Variants in DHRSX observed in about 807,000 individuals in gnomAD.
DHRSX encodes polyprenol dehydrogenase.
A neutral mutation model predicts 34.0 loss-of-function variants in DHRSX; 31 were observed. The ratio of observed to expected loss-of-function variants is 0.91; its 90% CI spans 0.69 to 1.23. The LOEUF (loss-of-function observed/expected upper bound fraction) is 1.23. DHRSX is among the 50% of genes most tolerant of loss of function. DHRSX has a pLI of 0.00. For missense variants in DHRSX, 414 were observed against 428.1 expected, an observed-to-expected ratio of 0.97 and a Z score of 0.29; for synonymous variants, 201 against 183.8, an observed-to-expected ratio of 1.09 and a Z score of -0.76.
chrX:2,495,532 G>A (rs754531361), intron 1 of DHRSX, among the ~76,000 whole-genome samples: 36 of 152,144 alleles, frequency 2.4e-4, no homozygotes, highest in Middle Eastern at 3.4e-3. Context: ...TCCCTCCCAC[G>A]TCTCCTGCTG....
rs898570050 is a variant in DHRSX at position 2,468,214 on chromosome X, C to T, written c.109+32603G>A. On this transcript the variant is annotated intron_variant, in intron 1 of 6. Transcript: ENST00000334651. ...TGGGTGGGCTGGGGAGCTGCAGTTCCAGAAAGCAAAGGAAGCCTGTGATGT... is the reference window on the plus strand; with the variant it reads ...TGGGTGGGCTGGGGAGCTGCAGTTCTAGAAAGCAAAGGAAGCCTGTGATGT... Among the ~76,000 whole-genome samples the T allele has an allele frequency of 4.6e-5, 7 of 152,100 alleles. No individual in the cohort carries two copies. The South Asian group carries it at 8.3e-4, about 18-fold the overall frequency.
chrX:2,410,202 C>G (rs1427982193), intron 2 of DHRSX, among the ~76,000 whole-genome samples: 1 of 152,162 alleles, frequency 6.6e-6, no homozygotes, highest in Non-Finnish European at 1.5e-5. Context: ...CCTCCTTCAG[C>G]CTCATCCTTC....
intron 2 of DHRSX, among the ~76,000 whole-genome samples, chrX:2,415,321 C>T (rs938763697): frequency 2.0e-5 from 3 of 151,846 alleles, no homozygotes; most frequent in African/African-American, 7.3e-5. Flanking sequence ...TCATCATAAC[C>T]TAACTGGATC....
At chrX:2,483,504 A>G (rs1200131914) in intron 1 of DHRSX, among the ~76,000 whole-genome samples, 3 of 152,080 alleles carry the variant, frequency 2.0e-5, no homozygotes, top group East Asian at 1.9e-4. Flanking sequence ...CCTGGGCTCA[A>G]GCGATCCGCC....
chrX:2,303,284 T>C (rs2042035014), intron 3 of DHRSX, among the ~76,000 whole-genome samples: 2 of 152,146 alleles, frequency 1.3e-5, no homozygotes, highest in African/African-American at 4.8e-5. Context: ...CCAAATCTCA[T>C]GTTGAATTGT....
intron 3 of DHRSX, among the ~76,000 whole-genome samples, chrX:2,388,626 T>C (rs1028096732): frequency 8.9e-4 from 133 of 149,272 alleles, no homozygotes; most frequent in African/African-American, 3.1e-3. Context: ...TATTCTGTGA[T>C]AGCAGCCTGA....
At chrX:2,223,593 G>A (rs2015570099) in intron 6 of DHRSX, among the ~76,000 whole-genome samples, 1 of 152,170 alleles carries the variant, frequency 6.6e-6, no homozygotes, top group Admixed American at 6.6e-5. Context: ...GGGATGGAAA[G>A]AGGAAGGGAG....
chrX:2,276,857 C>CAA (rs1210872015), intron 4 of DHRSX, among the ~76,000 whole-genome samples: 3 of 68,686 alleles, frequency 4.4e-5, no homozygotes, highest in Non-Finnish European at 6.0e-5. Context: ...GGAGGGCAAA[C>CAA]GAGAGGGAGA....
chrX:2,328,444 G>GAT (rs1436044322), intron 3 of DHRSX, among the ~76,000 whole-genome samples: 1 of 151,794 alleles, frequency 6.6e-6, no homozygotes, highest in African/African-American at 2.4e-5. Flanking sequence ...CCCATACCTG[G>GAT]ATCTCAGACT....
At chrX:2,335,403 G>T (rs952799383) in intron 3 of DHRSX, among the ~76,000 whole-genome samples, 12 of 151,878 alleles carry the variant, frequency 7.9e-5, no homozygotes, top group South Asian at 2.1e-4. Context: ...GGGCTTCCAG[G>T]TCATAGGTGG....
intron 5 of DHRSX, among the ~76,000 whole-genome samples, chrX:2,251,610 T>C (rs999265952): frequency 6.6e-6 from 1 of 152,182 alleles, no homozygotes; most frequent in South Asian, 2.1e-4. Context: ...GTCCCCTTTG[T>C]TCGCTGTACT....
At position 2,489,334 on chromosome X, in the gene DHRSX, C is replaced by T. The variant is rs183481921; in HGVS notation, c.109+11483G>A. On this transcript the variant is annotated intron_variant, in intron 1 of 6. Coordinates refer to ENST00000334651, the MANE Select transcript of DHRSX (RefSeq NM_145177.3). Reference sequence around the variant, plus strand: ...CGTTGAGAAACATGTCGATCTCGGGCGTCTCCTGGTAGGTCTTGGAAAGCT... The same window carrying T: ...CGTTGAGAAACATGTCGATCTCGGGTGTCTCCTGGTAGGTCTTGGAAAGCT... The T allele has an allele frequency of 5.8e-5, 94 of 1,613,500 alleles. 1 individual carries two copies. In the East Asian group the frequency reaches 1.6e-3, roughly 27 times the overall value.
chrX:2,480,217 A>T (rs1299161010), intron 1 of DHRSX, among the ~76,000 whole-genome samples: 3 of 151,798 alleles, frequency 2.0e-5, no homozygotes, highest in African/African-American at 7.3e-5. Flanking sequence ...TTGCAGCAAC[A>T]TGGATGGGAC....
rs758020186 is a variant in DHRSX, at chrX:2,367,298, C to T, written c.286+41447G>A. ...ACTAAAAATACAAAAATTAGCCACG[C>T]GTGGTGGTAGGTGCCTGTAATCCCA... On this transcript the variant is annotated intron_variant, in intron 3 of 6. Coordinates refer to ENST00000334651, the MANE Select transcript of DHRSX (RefSeq NM_145177.3). Among the ~76,000 whole-genome samples the T allele has an allele frequency of 9.9e-5, 15 of 151,832 alleles. No individual in the cohort carries two copies. The South Asian group carries it at 3.1e-3, about 32-fold the overall frequency.
intron 3 of DHRSX, among the ~76,000 whole-genome samples, chrX:2,373,446 G>A (rs2043103326): frequency 1.3e-5 from 2 of 152,104 alleles, no homozygotes; most frequent in African/African-American, 4.8e-5. Context: ...TAAAACACCT[G>A]CTCCATTTCC....
intron 3 of DHRSX, among the ~76,000 whole-genome samples, chrX:2,374,533 G>GAC (rs1202754544): frequency 0.12 from 13,799 of 118,048 alleles, 1,881 homozygotes; most frequent in Non-Finnish European, 0.2. Flanking sequence ...GAGGTCGGGA[G>GAC]TTCGAGGCCA....
At chrX:2,466,298 C>A (rs1180999070) in intron 1 of DHRSX, among the ~76,000 whole-genome samples, 1 of 152,016 alleles carries the variant, frequency 6.6e-6, no homozygotes, top group Non-Finnish European at 1.5e-5. Context: ...ATTAGCCCAG[C>A]GTGGTGGTAT....
chrX:2,360,799 G>A (rs1345237175), intron 3 of DHRSX, among the ~76,000 whole-genome samples: 1 of 151,928 alleles, frequency 6.6e-6, no homozygotes, highest in African/African-American at 2.4e-5. Flanking sequence ...CAGGGAACAT[G>A]GCTTCCTCTT....
At chrX:2,381,797 C>CAAAAAAAAAAA (rs767319246) in intron 3 of DHRSX, among the ~76,000 whole-genome samples, 1 of 81,614 alleles carries the variant, frequency 1.2e-5, no homozygotes, top group Non-Finnish European at 2.2e-5. Flanking sequence ...AAGCCACAAC[C>CAAAAAAAAAAA]AAAAAAAAAA....
Sources: allele counts gnomAD v4.1 joint callset (sites outside exome capture counted in the v4.1 genomes callset), GRCh38; gene constraint gnomAD v4.1.1; transcripts MANE v1.5; gene names NCBI Gene and HGNC (gene_info 2026-07-23, HGNC 2026-07-21).